Variants in FBXL17 observed in about 807,000 individuals in gnomAD.
FBXL17 encodes the protein F-box and leucine rich repeat protein 17, also known as F-box/LRR-repeat protein 17.
FBXL17 carries 22 observed loss-of-function variants against 66.2 expected under a neutral mutation model. The ratio of observed to expected loss-of-function variants is 0.33; its 90% CI spans 0.24 to 0.47. FBXL17 has a LOEUF of 0.47. FBXL17 is among the 20% of genes least tolerant of loss of function. FBXL17 has a pLI of 1.00. For missense variants in FBXL17, 878 were observed against 948.2 expected, an observed-to-expected ratio of 0.93 and a Z score of 0.97; for synonymous variants, 474 against 400.5, an observed-to-expected ratio of 1.18 and a Z score of -2.19.
chr5:108,331,779 G>A (rs751670836), intron 4 of FBXL17, among the ~76,000 whole-genome samples: 5 of 151,838 alleles, frequency 3.3e-5, no homozygotes, highest in South Asian at 2.1e-4. Flanking sequence ...CTTCTAACCC[G>A]TATATCAAGT....
chr5:108,251,562 A>G (rs1756351892), intron 4 of FBXL17, among the ~76,000 whole-genome samples: 1 of 152,022 alleles, frequency 6.6e-6, no homozygotes, highest in Non-Finnish European at 1.5e-5. Context: ...TGGTTTTCAA[A>G]ATTCATAAGA....
In FBXL17 at chr5:108,007,879, C is replaced by T. The variant is rs919001285; in HGVS notation, c.1822+13046G>A. ...TGTGCTGTTTGGTGTCCTATTTGTC[C>T]TCAAGGACCTCCTCCAGCTCTAGAA... On this transcript the variant is annotated intron_variant, in intron 7 of 8. Transcript: ENST00000542267. Among the ~76,000 whole-genome samples, 29 of 152,110 alleles carry T rather than the reference C, an allele frequency of 1.9e-4. 1 individual carries two copies. The highest frequency in any genetic ancestry group is 1.9e-3 in the Admixed American group (29 of 15,260).
chr5:108,277,890 A>G (rs1418081067), intron 4 of FBXL17, among the ~76,000 whole-genome samples: 2 of 152,224 alleles, frequency 1.3e-5, no homozygotes, highest in African/African-American at 4.8e-5. Context: ...TACCTTAACT[A>G]AAAATACTTT....
At position 108,189,772 on chromosome 5, in the gene FBXL17, T is replaced by A. The variant is rs182727292; in HGVS notation, c.1615-3525A>T. ...AAGGATCTAGAGGTCTGAGAAATTATCCTGCTTGGTCCTGAAGAACTAAGC... is the reference window on the plus strand; with the variant it reads ...AAGGATCTAGAGGTCTGAGAAATTAACCTGCTTGGTCCTGAAGAACTAAGC... On this transcript the variant is annotated intron_variant, in intron 5 of 8. Transcript: ENST00000542267. Among the ~76,000 whole-genome samples, 47 of 152,312 alleles carry A rather than the reference T, an allele frequency of 3.1e-4. 1 individual carries two copies. The highest frequency in any genetic ancestry group is 1.1e-3 in the African/African-American group (47 of 41,578).
At chr5:107,868,553 G>A (rs765763755) in intron 8 of FBXL17, among the ~76,000 whole-genome samples, 21 of 152,262 alleles carry the variant, frequency 1.4e-4, no homozygotes, top group South Asian at 4.1e-4. Flanking sequence ...TTCCTTTCCC[G>A]TCTCTCACCC....
At chr5:108,220,635 A>G (rs1754821200) in intron 5 of FBXL17, among the ~76,000 whole-genome samples, 2 of 152,142 alleles carry the variant, frequency 1.3e-5, no homozygotes, top group Admixed American at 1.3e-4. Flanking sequence ...AATTCATTGC[A>G]GAATCTTCCT....
chr5:108,072,999 T>A (rs916993592), intron 6 of FBXL17, among the ~76,000 whole-genome samples: 1 of 152,190 alleles, frequency 6.6e-6, no homozygotes, highest in African/African-American at 2.4e-5. Context: ...GATAGCCTTT[T>A]AAAATTTACA....
At chr5:108,021,048 TAGC>T (rs1754579445) in intron 6 of FBXL17, 47 bp from the exon 7 acceptor site, 2 of 1,365,524 alleles carry the variant, frequency 1.5e-6, no homozygotes, top group African/African-American at 2.9e-5. Context: ...CAAGTTAAAT[TAGC>T]AGGGGTTTGA....
intron 7 of FBXL17, among the ~76,000 whole-genome samples, chr5:107,895,068 G>A (rs1051067107): frequency 2.0e-5 from 3 of 151,924 alleles, no homozygotes; most frequent in African/African-American, 7.3e-5. Context: ...AGGTTTTAAT[G>A]TTTCTGTCTT....
intron 7 of FBXL17, among the ~76,000 whole-genome samples, chr5:107,891,603 T>C (rs1749199421): frequency 6.6e-6 from 1 of 152,078 alleles, no homozygotes; most frequent in Non-Finnish European, 1.5e-5. Context: ...CATATGCTCA[T>C]AGATTGAATG....
intron 1 of FBXL17, among the ~76,000 whole-genome samples, chr5:108,373,203 C>T (rs1300659289): frequency 1.9e-5 from 2 of 106,288 alleles, no homozygotes; most frequent in African/African-American, 8.1e-5. Flanking sequence ...ATAAATATAA[C>T]ATATCTAAAT....
intron 6 of FBXL17, among the ~76,000 whole-genome samples, chr5:108,104,793 G>T (rs79757625): frequency 0.011 from 1,659 of 152,254 alleles, 40 homozygotes; most frequent in African/African-American, 0.038. Context: ...AGACTGGAAG[G>T]TTACACATAG....
chr5:108,113,872 C>G (rs1345088021), intron 6 of FBXL17, among the ~76,000 whole-genome samples: 1 of 152,116 alleles, frequency 6.6e-6, no homozygotes, highest in Non-Finnish European at 1.5e-5. Context: ...CTGTGTGTAA[C>G]TATTCTTCAG....
chr5:108,074,699 C>T (rs1214597484), intron 6 of FBXL17, among the ~76,000 whole-genome samples: 3 of 152,176 alleles, frequency 2.0e-5, no homozygotes, highest in Non-Finnish European at 4.4e-5. Flanking sequence ...TGGACAGATT[C>T]ATCTCAGGTC....
Position 107,892,164 on chromosome 5 carries a change from G to A in FBXL17, c.1823-10985C>T, listed in dbSNP as rs531065840. Among the ~76,000 whole-genome samples the A allele has an allele frequency of 3.3e-4, 50 of 152,168 alleles. 1 individual carries two copies. The highest frequency in any genetic ancestry group is 9.9e-4 in the African/African-American group (41 of 41,522). On this transcript the variant is annotated intron_variant, in intron 7 of 8. Transcript: ENST00000542267. ...TGGCTGTATGAGAACTCTAAGTACC[G>A]TCTCTACTGAATGTGTATTGCTTTC...
chr5:108,293,867 C>A (rs1264963008), intron 4 of FBXL17, among the ~76,000 whole-genome samples: 1 of 151,000 alleles, frequency 6.6e-6, no homozygotes, highest in African/African-American at 2.4e-5. Flanking sequence ...GTGGTGAAAC[C>A]CCATCTCTAC....
intron 7 of FBXL17, among the ~76,000 whole-genome samples, chr5:107,926,391 T>C (rs182134348): frequency 6.6e-6 from 1 of 152,144 alleles, no homozygotes; most frequent in East Asian, 1.9e-4. Context: ...ATATTTGACC[T>C]CCCCACCAAA....
chr5:108,354,653 A>T (rs113962180), intron 3 of FBXL17, among the ~76,000 whole-genome samples: 2,650 of 152,042 alleles, frequency 0.017, 72 homozygotes, highest in African/African-American at 0.059. Flanking sequence ...ACCATGAAGG[A>T]AAACTGCAAA....
intron 7 of FBXL17, among the ~76,000 whole-genome samples, chr5:107,903,560 T>A (rs1436780001): frequency 6.6e-6 from 1 of 152,160 alleles, no homozygotes; most frequent in African/African-American, 2.4e-5. Flanking sequence ...TTTACAGTCA[T>A]GCAGTTAGTC....
Sources: gnomAD v4.1 joint callset for allele counts (sites outside exome capture counted in the v4.1 genomes callset) on GRCh38, gnomAD v4.1.1 for gene constraint, MANE v1.5 for transcripts, NCBI Gene and HGNC (gene_info 2026-07-23, HGNC 2026-07-21) for gene names.